Variants in KLRD1 observed in about 807,000 individuals in gnomAD.
KLRD1 encodes killer cell lectin like receptor D1, also known as natural killer cells antigen CD94.
In KLRD1, 21 loss-of-function variants were observed where a neutral mutation model predicts 22.6. The ratio of observed to expected loss-of-function variants is 0.93; its 90% CI spans 0.66 to 1.34. KLRD1 has a LOEUF of 1.34. Among genes scored for constraint, KLRD1 ranks in the 40% most tolerant of loss-of-function variants. KLRD1 has a pLI of 0.00. For synonymous variants in KLRD1, 59 were observed against 71.1 expected, an observed-to-expected ratio of 0.83 and a Z score of 0.85; for missense variants, 183 against 208.6, an observed-to-expected ratio of 0.88 and a Z score of 0.76.
intron 1 of KLRD1, among the ~76,000 whole-genome samples, chr12:10,255,147 G>T (rs1200824858): frequency 1.3e-5 from 2 of 152,074 alleles, no homozygotes; most frequent in Admixed American, 6.5e-5. Flanking sequence ...TGTTAGTGGG[G>T]GTGTAAATTA....
At chr12:10,290,106 CTG>C (rs1192062107) in intron 1 of KLRD1, among the ~76,000 whole-genome samples, 2 of 152,148 alleles carry the variant, frequency 1.3e-5, no homozygotes, top group Non-Finnish European at 2.9e-5. Context: ...AAAATTGAAA[CTG>C]TAAAATGATA....
chr12:10,278,230 G>A (rs968206043), intron 1 of KLRD1, among the ~76,000 whole-genome samples: 3 of 152,106 alleles, frequency 2.0e-5, no homozygotes, highest in South Asian at 2.1e-4. Flanking sequence ...CTCTGTGTGC[G>A]CTTTCCTAGG....
chr12:10,239,458 C>CTTCT (rs1949215659), intron 1 of KLRD1, among the ~76,000 whole-genome samples: 1 of 30,478 alleles, frequency 3.3e-5, no homozygotes, highest in African/African-American at 1.0e-4. Flanking sequence ...TCCTTCCTTC[C>CTTCT]TTCCTTCCTT....
At chr12:10,309,757 C>G in intron 3 of KLRD1, 69 bp downstream of exon 3, 1 of 1,061,430 alleles carries the variant, frequency 9.4e-7, no homozygotes, top group Admixed American at 1.8e-5. Context: ...GTTTTTCACA[C>G]AGAGAGGCAT....
intron 1 of KLRD1, among the ~76,000 whole-genome samples, chr12:10,263,890 A>G (rs1364276367): frequency 2.0e-5 from 3 of 152,162 alleles, no homozygotes; most frequent in East Asian, 1.9e-4. Context: ...CAAATTTGCA[A>G]TTTTCCATTT....
At chr12:10,291,631 T>C (rs907804462) in intron 1 of KLRD1, among the ~76,000 whole-genome samples, 1 of 117,976 alleles carries the variant, frequency 8.5e-6, no homozygotes, top group African/African-American at 3.1e-5. Flanking sequence ...TTTTTTTTTT[T>C]AATCCTATAC....
upstream of KLRD1, among the ~76,000 whole-genome samples, chr12:10,301,078 A>T (rs1949862157): frequency 6.6e-6 from 1 of 152,192 alleles, no homozygotes; most frequent in South Asian, 2.1e-4. Flanking sequence ...CACAATAATG[A>T]AAATGGCCCC....
At chr12:10,241,654 G>A (rs1302122019) in intron 1 of KLRD1, among the ~76,000 whole-genome samples, 1 of 152,052 alleles carries the variant, frequency 6.6e-6, no homozygotes, top group Non-Finnish European at 1.5e-5. Flanking sequence ...AGAAAAGGGA[G>A]GCCAGAGAAC....
At position 10,320,854 on chromosome 12, in the gene KLRD1, C is replaced by T. The variant is rs1950305609; in HGVS notation, c.*6061C>T. 6.6e-6 allele frequency: 1 copy of T among 152,110 alleles called. No homozygotes were observed. The highest frequency in any genetic ancestry group is 6.5e-5 in the Admixed American group (1 of 15,270). The allele number at this position is 152,110 out of a possible 1,614,324, so 9.4% of individuals were successfully genotyped here. A position where few individuals can be genotyped will look rare whatever the true frequency, so the allele number is the denominator to read the frequency against. On this transcript the variant is annotated 3_prime_UTR_variant, in exon 6 of 6. Transcript: ENST00000336164. ...GTCAAATAATAGGGCTTCTAGGAAG[C>T]CCCAGGGTATTGTCCCTCAGGTATC... is the stretch of plus-strand genomic sequence containing the variant.
intron 1 of KLRD1, among the ~76,000 whole-genome samples, chr12:10,287,855 G>T (rs1410399151): frequency 6.6e-6 from 1 of 152,018 alleles, no homozygotes; most frequent in Non-Finnish European, 1.5e-5. Context: ...GGATCATGAG[G>T]TCAGGAGATC....
rs1950363825 is a variant in KLRD1, at chr12:10,326,568, G to A, written c.*11775G>A. On this transcript the variant is annotated 3_prime_UTR_variant, in exon 6 of 6. Transcript: ENST00000336164. The stretch of plus-strand genomic sequence containing the variant: ...GAGGGGGCTTCCAGGTCACAGGTAA[G>A]AGACAAATGGTTGCACCTTTTTGTT... 6.6e-6 allele frequency: 1 copy of A among 152,256 alleles called. No homozygotes were observed. The highest frequency in any genetic ancestry group is 6.5e-5 in the Admixed American group (1 of 15,276). The allele number at this position is 152,256 out of a possible 1,614,324, so 9.4% of individuals were successfully genotyped here. A position where few individuals can be genotyped will look rare whatever the true frequency, so the allele number is the denominator to read the frequency against.
rs767356230 is a variant in KLRD1, at chr12:10,313,471, C to A, written c.377C>A (p.Thr126Asn). 1 of 1,608,368 alleles carries A rather than the reference C, an allele frequency of 6.2e-7. No individual in the cohort carries two copies. The highest frequency in any genetic ancestry group is 1.7e-5 in the Admixed American group (1 of 59,288). Residue 126 changes from threonine to asparagine, a missense_variant, in exon 5 of 6, where the codon ACC becomes AAC. Coordinates refer to ENST00000336164, the MANE Select transcript of KLRD1 (RefSeq NM_002262.5). ...WIGLSYSEEH[T>N]AWLWENGSAL... ...GGACTCTCTTACAGTGAGGAGCACA[C>A]CGCCTGGTTGTGGGAGAATGGCTCT...
rs1159244065 is a variant in KLRD1, at chr12:10,321,390, C to A, written c.*6597C>A. On this transcript the variant is annotated 3_prime_UTR_variant, in exon 6 of 6. Transcript: ENST00000336164. ...GATGTGACAAATTTCGGACTTTGAA[C>A]TGACATTGTAACGGAATGAGATTTG... 6.6e-6 allele frequency: 1 copy of A among 151,840 alleles called. No homozygotes were observed. The highest frequency in any genetic ancestry group is 2.4e-5 in the African/African-American group (1 of 41,112). The allele number at this position is 151,840 out of a possible 1,614,324, so 9.4% of individuals were successfully genotyped here. A position where few individuals can be genotyped will look rare whatever the true frequency, so the allele number is the denominator to read the frequency against.
intron 1 of KLRD1, among the ~76,000 whole-genome samples, chr12:10,250,860 G>T (rs894837729): frequency 5.9e-5 from 9 of 152,086 alleles, no homozygotes; most frequent in Non-Finnish European, 1.0e-4. Flanking sequence ...AGCTAGAGAA[G>T]ATCCAGACCA....
At position 10,328,268 on chromosome 12, in the gene KLRD1, A is replaced by G. The variant is rs936674259; in HGVS notation, c.*13475A>G. On this transcript the variant is annotated 3_prime_UTR_variant, in exon 6 of 6. Transcript: ENST00000336164. ...TCCTTAAATATTTGGTGGCTTCACCAGAAGAGCCATCTTGTCCTGGGAATT... is the reference window on the plus strand; with the variant it reads ...TCCTTAAATATTTGGTGGCTTCACCGGAAGAGCCATCTTGTCCTGGGAATT... 1.3e-5 allele frequency: 2 copies of G among 152,178 alleles called. No individual in the cohort carries two copies. The highest frequency in any genetic ancestry group is 2.9e-5 in the Non-Finnish European group (2 of 68,020). 9.4% of individuals were successfully genotyped at this position (152,178 alleles called of 1,614,324 possible).
chr12:10,296,552 A>G (rs965744816), intron 1 of KLRD1, among the ~76,000 whole-genome samples: 4 of 151,956 alleles, frequency 2.6e-5, no homozygotes, highest in Admixed American at 6.6e-5. Context: ...ACACACACAC[A>G]AAAACATACA....
intron 4 of KLRD1, among the ~76,000 whole-genome samples, chr12:10,312,559 T>C (rs1294744705): frequency 1.3e-5 from 2 of 150,236 alleles, no homozygotes; most frequent in Non-Finnish European, 3.0e-5. Flanking sequence ...TGTGTATTTT[T>C]AGTAGAGACG....
intron 1 of KLRD1, among the ~76,000 whole-genome samples, chr12:10,271,294 C>T (rs999683940): frequency 3.4e-4 from 51 of 152,026 alleles, no homozygotes; most frequent in African/African-American, 1.1e-3. Context: ...TTAACTTTTT[C>T]GAAATTAAAA....
chr12:10,322,579 A>C lies in KLRD1; in HGVS notation c.*7786A>C, dbSNP rs1433917631. On this transcript the variant is annotated 3_prime_UTR_variant, in exon 6 of 6. Transcript: ENST00000336164. The stretch of plus-strand genomic sequence containing the variant: ...CCCACCTGCTGTTGTTTGGACTGGC[A>C]CCTTACTAGACCTGCTCCACAAACT... The C allele has an allele frequency of 1.3e-5, 2 of 152,006 alleles. No individual in the cohort carries two copies. The highest frequency in any genetic ancestry group is 2.4e-5 in the African/African-American group (1 of 41,366). 9.4% of individuals were successfully genotyped at this position (152,006 alleles called of 1,614,324 possible).
Sources: allele counts gnomAD v4.1 joint callset (sites outside exome capture counted in the v4.1 genomes callset), GRCh38; gene constraint gnomAD v4.1.1; transcripts MANE v1.5; gene names NCBI Gene and HGNC (gene_info 2026-07-23, HGNC 2026-07-21).